The following NSUN7 variants were observed in gnomAD, a reference collection of about 807,000 sequenced individuals.
The protein encoded by NSUN7 is NOP2/Sun RNA methyltransferase family member 7, also known as protein NSUN7.
Under a neutral mutation model 58.5 loss-of-function variants are expected in NSUN7, and 39 were observed. The ratio of observed to expected loss-of-function variants is 0.67; its 90% CI spans 0.52 to 0.87. The LOEUF is 0.87. NSUN7 is among the 40% of genes least tolerant of loss of function. The probability of loss-of-function intolerance (pLI) is 0.00; values close to 1 mark genes in which losing one functional copy is unlikely to be tolerated. For missense variants in NSUN7, 765 were observed against 844.1 expected (o/e 0.91, Z 1.16); for synonymous variants, 278 against 303.7 (o/e 0.92, Z 0.88).
At chr4:40,785,445 C>T (rs532759849) in intron 7 of NSUN7, among the ~76,000 whole-genome samples, 3 of 152,114 alleles carry the variant, frequency 2.0e-5, no homozygotes, top group Non-Finnish European at 4.4e-5. Context: ...CTGCAACCTC[C>T]GCCTCCCAGG....
chr4:40,798,890 A>C lies in NSUN7; in HGVS notation c.1386A>C (p.Lys462Asn). Residue 462 changes from lysine to asparagine, a missense_variant, in exon 10 of 12, where the codon AAA becomes AAC. Coordinates refer to ENST00000381782, the MANE Select transcript of NSUN7 (RefSeq NM_024677.6). ...KALEFQDLGN[K>N]GQPYRLSPPV... is the part of the protein sequence containing the mutation. ...TGGAATTTCAAGACCTTGGGAATAA[A>C]GGACAACCTTACAGGTAAGAAAAGG... is the stretch of plus-strand genomic sequence containing the variant. 1 of 1,588,652 alleles carries C rather than the reference A, an allele frequency of 6.3e-7. No homozygotes were observed. Among genetic ancestry groups the C allele is most frequent in the Admixed American group, 1.7e-5 (1 of 59,762 alleles).
At chr4:40,751,549 G>A (rs35434140) in intron 2 of NSUN7, among the ~76,000 whole-genome samples, 9,777 of 152,202 alleles carry the variant, frequency 0.064, 433 homozygotes, top group Middle Eastern at 0.17. Flanking sequence ...AAAAGAAAAG[G>A]TGCAAAATTT....
intron 4 of NSUN7, among the ~76,000 whole-genome samples, chr4:40,773,458 GGAT>G (rs1742107855): frequency 6.6e-6 from 1 of 152,054 alleles, no homozygotes; most frequent in Non-Finnish European, 1.5e-5. Context: ...TGAGGCGGGC[GGAT>G]CACTTGAGGT....
At chr4:40,793,460 A>G (rs1168825799) in intron 8 of NSUN7, among the ~76,000 whole-genome samples, 1 of 152,194 alleles carries the variant, frequency 6.6e-6, no homozygotes, top group East Asian at 1.9e-4. Flanking sequence ...AGCAACAACA[A>G]CAACAATAAC....
intron 2 of NSUN7, among the ~76,000 whole-genome samples, chr4:40,757,033 A>G (rs1309631046): frequency 6.6e-6 from 1 of 152,232 alleles, no homozygotes; most frequent in Non-Finnish European, 1.5e-5. Context: ...GTTTGAGACC[A>G]GCCTGGCTAA....
intron 2 of NSUN7, among the ~76,000 whole-genome samples, chr4:40,754,206 C>T (rs28718492): frequency 1.5e-4 from 23 of 148,858 alleles, no homozygotes; most frequent in Non-Finnish European, 2.7e-4. Flanking sequence ...TGCAGTCAAT[C>T]GCGCAATCTC....
intron 8 of NSUN7, among the ~76,000 whole-genome samples, chr4:40,793,420 T>A (rs1743183680): frequency 6.6e-6 from 1 of 152,128 alleles, no homozygotes; most frequent in Non-Finnish European, 1.5e-5. Flanking sequence ...CCAGCCTGGA[T>A]GACAGAGTGA....
At chr4:40,752,091 T>G (rs549078237) in intron 2 of NSUN7, among the ~76,000 whole-genome samples, 1 of 152,352 alleles carries the variant, frequency 6.6e-6, no homozygotes, top group East Asian at 1.9e-4. Flanking sequence ...CTAAAAACTT[T>G]ATGTTGGTTT....
intron 10 of NSUN7, among the ~76,000 whole-genome samples, chr4:40,799,966 A>T (rs1395432876): frequency 2.0e-5 from 3 of 152,212 alleles, no homozygotes; most frequent in African/African-American, 7.2e-5. Flanking sequence ...TTAAAACAAA[A>T]GCCTTTTTCC....
At chr4:40,774,540 A>G (rs1742174382) in intron 5 of NSUN7, 123 bp downstream of exon 5, 1 of 960,864 alleles carries the variant, frequency 1.0e-6, no homozygotes, top group Non-Finnish European at 1.6e-6. Context: ...AGGGAATCAG[A>G]GTTAAGTTCC....
At position 40,809,791 on chromosome 4, in the gene NSUN7, A is replaced by G. The variant is rs1254114269; in HGVS notation, c.*852A>G. ...AAGTCATTTCAAATAGCACACAGGA[A>G]TCAAACTTTGGTAAATCATTTCTGA... On this transcript the variant is annotated 3_prime_UTR_variant, in exon 12 of 12. Coordinates refer to ENST00000381782, the MANE Select transcript of NSUN7 (RefSeq NM_024677.6). 1 of 152,244 alleles carries G rather than the reference A, an allele frequency of 6.6e-6. No homozygotes were observed. The highest frequency in any genetic ancestry group is 1.9e-4 in the East Asian group (1 of 5,204). The allele number at this position is 152,244 out of a possible 1,614,324, so 9.4% of individuals were successfully genotyped here.
At position 40,808,686 on chromosome 4, in the gene NSUN7, T is replaced by A. The variant is rs370501813; in HGVS notation, c.1904T>A (p.Leu635Ter). 1.3e-6 allele frequency: 2 copies of A among 1,551,512 alleles called. No individual in the cohort carries two copies. The highest frequency in any genetic ancestry group is 1.7e-6 in the Non-Finnish European group (2 of 1,147,012). Reference sequence around the variant, plus strand: ...CCGCGTGAACGGCAGACACACTTCTTAAGACCTCGGCCAGAAGACAGAATG... The same window carrying A: ...CCGCGTGAACGGCAGACACACTTCTAAAGACCTCGGCCAGAAGACAGAATG... ...SRPRERQTHF[L>*]RPRPEDRMVA... is the part of the protein sequence containing the mutation. Residue 635 changes from leucine to a stop codon, truncating the protein, a stop_gained, in exon 12 of 12, where the codon TTA becomes TAA. Coordinates refer to ENST00000381782, the MANE Select transcript of NSUN7 (RefSeq NM_024677.6). LOFTEE classifies it low-confidence loss of function (END_TRUNC).
At chr4:40,808,175 T>C in intron 11 of NSUN7, 132 bp from the exon 12 acceptor site, 1 of 1,086,576 alleles carries the variant, frequency 9.2e-7, no homozygotes. Flanking sequence ...GACTAAGGCC[T>C]AAAAACTATT....
At chr4:40,806,284 G>A (rs1743806244) in intron 10 of NSUN7, among the ~76,000 whole-genome samples, 1 of 152,116 alleles carries the variant, frequency 6.6e-6, no homozygotes, top group Non-Finnish European at 1.5e-5. Flanking sequence ...CGTAAGCCAC[G>A]GCACCTGGCC....
intron 11 of NSUN7, among the ~76,000 whole-genome samples, chr4:40,807,417 C>T (rs772374211): frequency 4.7e-5 from 7 of 149,588 alleles, no homozygotes; most frequent in Non-Finnish European, 1.0e-4. Context: ...GGCGTGATCT[C>T]GGCTCATTGC....
intron 7 of NSUN7, among the ~76,000 whole-genome samples, chr4:40,784,634 G>T (rs1346936226): frequency 6.6e-6 from 1 of 152,196 alleles, no homozygotes; most frequent in African/African-American, 2.4e-5. Flanking sequence ...CCTGAGATGG[G>T]CTGGGAGAAT....
intron 2 of NSUN7, among the ~76,000 whole-genome samples, chr4:40,753,280 CTTT>C (rs771038149): frequency 2.2e-5 from 3 of 138,952 alleles, no homozygotes; most frequent in Non-Finnish European, 1.6e-5. Context: ...TTTTATCTTT[CTTT>C]TTTTTTTTTT....
At chr4:40,776,376 T>C (rs1232758585) in intron 7 of NSUN7, 117 bp downstream of exon 7, 1 of 654,350 alleles carries the variant, frequency 1.5e-6, no homozygotes, top group Non-Finnish European at 2.5e-6. Context: ...TGAACTAATA[T>C]CTTAAAATCC....
In NSUN7 at chr4:40,774,962, T is replaced by A. The variant is rs1319023483; in HGVS notation, c.825+12T>A. The A allele has an allele frequency of 9.7e-7, 1 of 1,029,916 alleles. No individual in the cohort carries two copies. Among genetic ancestry groups the A allele is most frequent in the East Asian group, 2.5e-5 (1 of 39,892 alleles). The allele number at this position is 1,029,916 out of a possible 1,614,324, so 63.8% of individuals were successfully genotyped here. On this transcript the variant is annotated intron_variant, in intron 6 of 11. Coordinates refer to ENST00000381782, the MANE Select transcript of NSUN7 (RefSeq NM_024677.6). ...AACTTATATTTCAGGTAAACTAATA[T>A]TTACTTTCATTGTGATTCTCAACAA...
Sources: gnomAD v4.1 joint callset for allele counts (sites outside exome capture counted in the v4.1 genomes callset) on GRCh38, gnomAD v4.1.1 for gene constraint, MANE v1.5 for transcripts, NCBI Gene and HGNC (gene_info 2026-07-23, HGNC 2026-07-21) for gene names.